Variants in SPON1 observed in about 807,000 individuals in gnomAD.
The protein encoded by SPON1 is spondin-1.
SPON1 carries 52 observed loss-of-function variants against 111.7 expected under a neutral mutation model. The ratio of observed to expected loss-of-function variants is 0.47; its 90% CI spans 0.37 to 0.59. The LOEUF (loss-of-function observed/expected upper bound fraction) is 0.59. Ranked by LOEUF, SPON1 falls within the 20% of genes least tolerant of loss-of-function variation. SPON1 has a pLI of 0.00. For missense variants in SPON1, 957 were observed against 1,068.5 expected (o/e 0.90, Z 1.46); for synonymous variants, 410 against 395.8 (o/e 1.04, Z -0.43).
intron 6 of SPON1, among the ~76,000 whole-genome samples, chr11:14,163,589 C>G (rs999019798): frequency 6.6e-6 from 1 of 152,134 alleles, no homozygotes; most frequent in Non-Finnish European, 1.5e-5. Context: ...CCTCCATTCC[C>G]TCTTTCACTG....
chr11:14,108,461 G>A (rs1287027108), intron 5 of SPON1, among the ~76,000 whole-genome samples: 1 of 152,084 alleles, frequency 6.6e-6, no homozygotes, highest in Non-Finnish European at 1.5e-5. Flanking sequence ...CCTGACTCCT[G>A]AATTTCTTCC....
intron 6 of SPON1, among the ~76,000 whole-genome samples, chr11:14,185,940 TAGTC>T (rs1426152637): frequency 1.3e-5 from 2 of 152,258 alleles, no homozygotes; most frequent in Non-Finnish European, 2.9e-5. Context: ...TTTGATCTCA[TAGTC>T]AGTAAAGATT....
At chr11:13,983,307 C>T (rs553353142) in intron 2 of SPON1, among the ~76,000 whole-genome samples, 2 of 152,182 alleles carry the variant, frequency 1.3e-5, no homozygotes, top group Non-Finnish European at 2.9e-5. Context: ...CAAATGTAAA[C>T]GGAACAAGAG....
chr11:14,161,221 A>ATATATCTATATATTTATATATATC (rs1564920154), intron 6 of SPON1, among the ~76,000 whole-genome samples: 3 of 75,714 alleles, frequency 4.0e-5, no homozygotes, highest in East Asian at 3.9e-4. Flanking sequence ...ATATATATCT[A>ATATATCTATATATTTATATATATC]TATATATTTA....
chr11:14,144,634 C>CAATAAT (rs71041573), intron 6 of SPON1, among the ~76,000 whole-genome samples: 1,576 of 142,934 alleles, frequency 0.011, 12 homozygotes, highest in East Asian at 0.023. Flanking sequence ...ACTCCATCTC[C>CAATAAT]AATAATAATA....
intron 15 of SPON1, among the ~76,000 whole-genome samples, chr11:14,265,246 G>C (rs1849251057): frequency 6.6e-6 from 1 of 152,170 alleles, no homozygotes; most frequent in Non-Finnish European, 1.5e-5. Flanking sequence ...TTTTGCTCAT[G>C]TCCCATTGGC....
chr11:13,996,711 G>GTGTGTATATATATA (rs535844829), intron 2 of SPON1, among the ~76,000 whole-genome samples: 1 of 145,212 alleles, frequency 6.9e-6, no homozygotes, highest in African/African-American at 2.8e-5. Context: ...ACCTATGTGT[G>GTGTGTATATATATA]TATATATATA....
chr11:14,163,376 C>T (rs1847989855), intron 6 of SPON1, among the ~76,000 whole-genome samples: 1 of 152,188 alleles, frequency 6.6e-6, no homozygotes, highest in Non-Finnish European at 1.5e-5. Flanking sequence ...ACACTAAGTG[C>T]ATCCCTTGTC....
intron 6 of SPON1, among the ~76,000 whole-genome samples, chr11:14,220,902 A>G (rs1469796202): frequency 6.6e-6 from 1 of 152,194 alleles, no homozygotes; most frequent in African/African-American, 2.4e-5. Flanking sequence ...AATAGGAACA[A>G]AGTGGCAAGC....
At chr11:14,029,157 G>T (rs1554915723) in intron 2 of SPON1, among the ~76,000 whole-genome samples, 1 of 151,824 alleles carries the variant, frequency 6.6e-6, no homozygotes, top group Non-Finnish European at 1.5e-5. Context: ...GCATGTGTGT[G>T]CCCAGTTCTA....
intron 6 of SPON1, among the ~76,000 whole-genome samples, chr11:14,242,798 A>G (rs1848943138): frequency 6.6e-6 from 1 of 152,244 alleles, no homozygotes; most frequent in Non-Finnish European, 1.5e-5. Flanking sequence ...CCTGAGGGGC[A>G]CCACGGGTAT....
At chr11:14,087,310 C>G (rs782090978) in intron 5 of SPON1, among the ~76,000 whole-genome samples, 2 of 152,176 alleles carry the variant, frequency 1.3e-5, no homozygotes. Flanking sequence ...CTTAACACTG[C>G]TTTAGCTGTG....
At chr11:14,124,967 A>T (rs1439344682) in intron 5 of SPON1, among the ~76,000 whole-genome samples, 1 of 152,250 alleles carries the variant, frequency 6.6e-6, no homozygotes, top group Non-Finnish European at 1.5e-5. Flanking sequence ...TGAAGAAGGC[A>T]GGATAATAGA....
intron 5 of SPON1, among the ~76,000 whole-genome samples, chr11:14,113,846 C>T (rs1025992800): frequency 6.6e-5 from 10 of 151,818 alleles, no homozygotes; most frequent in Admixed American, 2.6e-4. Flanking sequence ...CCTCGTGATC[C>T]GCCCGCCTCA....
At chr11:14,240,198 G>C (rs1460975577) in intron 6 of SPON1, among the ~76,000 whole-genome samples, 1 of 152,158 alleles carries the variant, frequency 6.6e-6, no homozygotes, top group African/African-American at 2.4e-5. Context: ...TCTACTGAGC[G>C]GCCGTAGGCA....
chr11:14,240,198 G>A (rs1460975577), intron 6 of SPON1, among the ~76,000 whole-genome samples: 1 of 152,158 alleles, frequency 6.6e-6, no homozygotes, highest in African/African-American at 2.4e-5. Context: ...TCTACTGAGC[G>A]GCCGTAGGCA....
At chr11:14,102,166 A>C (rs1480265128) in intron 5 of SPON1, among the ~76,000 whole-genome samples, 2 of 152,138 alleles carry the variant, frequency 1.3e-5, no homozygotes, top group African/African-American at 2.4e-5. Flanking sequence ...AATCTAATCT[A>C]TATGTCTTGT....
intron 2 of SPON1, among the ~76,000 whole-genome samples, chr11:14,013,632 G>T (rs1285830363): frequency 1.3e-5 from 2 of 152,116 alleles, no homozygotes; most frequent in Non-Finnish European, 2.9e-5. Flanking sequence ...AAAGTTGCTT[G>T]TCTTTCTCTC....
intron 6 of SPON1, among the ~76,000 whole-genome samples, chr11:14,194,261 A>T (rs563517233): frequency 6.6e-5 from 10 of 152,314 alleles, no homozygotes; most frequent in African/African-American, 2.4e-4. Flanking sequence ...CAAAAGCTCT[A>T]GATTCCTCTT....
Sources: allele counts gnomAD v4.1 joint callset (sites outside exome capture counted in the v4.1 genomes callset), GRCh38; gene constraint gnomAD v4.1.1; transcripts MANE v1.5; gene names NCBI Gene and HGNC (gene_info 2026-07-23, HGNC 2026-07-21).